Variants in CADM2 observed in about 807,000 individuals in gnomAD.
CADM2 encodes the protein immunoglobulin superfamily member 4D.
In CADM2, 12 loss-of-function variants were observed where a neutral mutation model predicts 49.8. The observed-to-expected ratio is 0.24, with a 90% CI of 0.15 to 0.39. The LOEUF (loss-of-function observed/expected upper bound fraction) is 0.39, where lower values mean the gene tolerates loss of function less well. Ranked by LOEUF, CADM2 falls within the 10% of genes least tolerant of loss-of-function variation. The pLI is 1.00. For synonymous variants in CADM2, 214 were observed against 175.4 expected (o/e 1.22, Z -1.74); for missense variants, 378 against 492.3 (o/e 0.77, Z 2.20).
At chr3:85,353,209 T>C (rs953556674) in intron 1 of CADM2, among the ~76,000 whole-genome samples, 2 of 151,990 alleles carry the variant, frequency 1.3e-5, no homozygotes, top group African/African-American at 2.4e-5. Flanking sequence ...GGTACACTTA[T>C]GGAAGTTGAA....
intron 1 of CADM2, among the ~76,000 whole-genome samples, chr3:85,237,152 C>T (rs2042425939): frequency 6.6e-6 from 1 of 151,902 alleles, no homozygotes; most frequent in Admixed American, 6.6e-5. Context: ...CAAAGTTAGG[C>T]CAGCCAAACT....
At chr3:85,217,275 A>T (rs2041948694) in intron 1 of CADM2, among the ~76,000 whole-genome samples, 2 of 151,808 alleles carry the variant, frequency 1.3e-5, no homozygotes. Context: ...TTTGTTGAGA[A>T]AACTCATAAA....
At chr3:85,655,620 A>T (rs951587699) in intron 1 of CADM2, among the ~76,000 whole-genome samples, 6 of 152,232 alleles carry the variant, frequency 3.9e-5, no homozygotes, top group African/African-American at 1.4e-4. Context: ...TAGAGTGAGA[A>T]TTCTTGTACA....
At chr3:85,444,728 T>A (rs113344686) in intron 1 of CADM2, among the ~76,000 whole-genome samples, 2,990 of 152,264 alleles carry the variant, frequency 0.02, 85 homozygotes, top group African/African-American at 0.067. Flanking sequence ...GACTCTGAAT[T>A]TTAGAAAATA....
chr3:85,560,920 A>T (rs1388037794), intron 1 of CADM2, among the ~76,000 whole-genome samples: 1 of 152,176 alleles, frequency 6.6e-6, no homozygotes, highest in Non-Finnish European at 1.5e-5. Context: ...GAATTTAGTG[A>T]TATCCCTGCC....
intron 1 of CADM2, among the ~76,000 whole-genome samples, chr3:85,372,313 A>G (rs2033295157): frequency 6.6e-6 from 1 of 151,740 alleles, no homozygotes; most frequent in Non-Finnish European, 1.5e-5. Flanking sequence ...AGGAATGTCA[A>G]AAGCAAAGAT....
At chr3:85,326,449 A>C (rs1371527951) in intron 1 of CADM2, among the ~76,000 whole-genome samples, 1 of 152,148 alleles carries the variant, frequency 6.6e-6, no homozygotes, top group Non-Finnish European at 1.5e-5. Flanking sequence ...TCTCTTAGGA[A>C]ATATGATAAA....
At chr3:85,790,604 C>G (rs1309775796) in intron 2 of CADM2, among the ~76,000 whole-genome samples, 1 of 152,114 alleles carries the variant, frequency 6.6e-6, no homozygotes, top group African/African-American at 2.4e-5. Context: ...TTTGGGTACA[C>G]AAGAGTTTCT....
At chr3:85,524,463 A>G (rs1003058777) in intron 1 of CADM2, among the ~76,000 whole-genome samples, 1 of 152,122 alleles carries the variant, frequency 6.6e-6, no homozygotes, top group Non-Finnish European at 1.5e-5. Flanking sequence ...GGATATTACT[A>G]AAAAACTTTC....
At chr3:85,971,143 A>T (rs182543838) in intron 8 of CADM2, among the ~76,000 whole-genome samples, 2 of 151,702 alleles carry the variant, frequency 1.3e-5, no homozygotes, top group African/African-American at 4.8e-5. Context: ...ATTATTTTTC[A>T]GTTGAGATAA....
At chr3:85,387,962 T>C (rs772027634) in intron 1 of CADM2, among the ~76,000 whole-genome samples, 1 of 152,190 alleles carries the variant, frequency 6.6e-6, no homozygotes, top group Non-Finnish European at 1.5e-5. Context: ...TTAGATTATC[T>C]GCATAAAAGA....
At chr3:85,890,746 C>T (rs369573809) in intron 5 of CADM2, among the ~76,000 whole-genome samples, 1 of 151,388 alleles carries the variant, frequency 6.6e-6, no homozygotes, top group Admixed American at 6.6e-5. Flanking sequence ...TTCCCTTTGG[C>T]GCAGTGATTT....
At chr3:85,517,853 G>T (rs1175073708) in intron 1 of CADM2, among the ~76,000 whole-genome samples, 2 of 152,082 alleles carry the variant, frequency 1.3e-5, no homozygotes, top group African/African-American at 4.8e-5. Context: ...TTCAAACACT[G>T]ATTTAAGTTA....
intron 1 of CADM2, among the ~76,000 whole-genome samples, chr3:85,057,794 A>T (rs1471112855): frequency 6.6e-6 from 1 of 152,148 alleles, no homozygotes; most frequent in Admixed American, 6.6e-5. Context: ...GCCCTCCTTT[A>T]TTGAATAGTT....
chr3:85,540,821 GC>G (rs2061521041), intron 1 of CADM2, among the ~76,000 whole-genome samples: 1 of 152,130 alleles, frequency 6.6e-6, no homozygotes, highest in Admixed American at 6.6e-5. Context: ...CAATGTGTCA[GC>G]AGGTTTAGCT....
At chr3:85,444,421 C>T (rs1481353397) in intron 1 of CADM2, among the ~76,000 whole-genome samples, 1 of 145,910 alleles carries the variant, frequency 6.9e-6, no homozygotes, top group Non-Finnish European at 1.5e-5. Context: ...TAGTAACTGG[C>T]TTCTTGTCTT....
intron 1 of CADM2, among the ~76,000 whole-genome samples, chr3:85,347,640 C>CATATATATAAATATATAT (rs2030871744): frequency 1.8e-5 from 1 of 57,020 alleles, no homozygotes; most frequent in African/African-American, 4.6e-5. Context: ...AATATATATA[C>CATATATATAAATATATAT]ATATATATAT....
intron 1 of CADM2, among the ~76,000 whole-genome samples, chr3:85,534,102 A>G (rs1576741472): frequency 1.3e-5 from 2 of 152,260 alleles, no homozygotes; most frequent in African/African-American, 4.8e-5. Flanking sequence ...TTTAGAAAAA[A>G]GTTCACCATC....
chr3:85,185,712 C>A (rs2041045206), intron 1 of CADM2, among the ~76,000 whole-genome samples: 1 of 152,076 alleles, frequency 6.6e-6, no homozygotes, highest in African/African-American at 2.4e-5. Flanking sequence ...TACAATGGAG[C>A]CTCTGAGGAT....
Sources: gnomAD v4.1 joint callset for allele counts (sites outside exome capture counted in the v4.1 genomes callset) on GRCh38, gnomAD v4.1.1 for gene constraint, MANE v1.5 for transcripts, NCBI Gene and HGNC (gene_info 2026-07-23, HGNC 2026-07-21) for gene names.